FBXW11: variants seen among roughly 807,000 people sequenced by gnomAD.
FBXW11 encodes the protein F-box and WD repeat domain containing 11, also known as F-box/WD repeat-containing protein 11.
FBXW11 carries 19 observed loss-of-function variants against 77.6 expected under a neutral mutation model. The observed-to-expected ratio is 0.24, with a 90% CI of 0.17 to 0.36. The LOEUF (loss-of-function observed/expected upper bound fraction) is 0.36, where lower values mean the gene tolerates loss of function less well. Ranked by LOEUF, FBXW11 falls within the 10% of genes least tolerant of loss-of-function variation. The pLI is 1.00. For missense variants in FBXW11, 334 were observed against 704.2 expected (o/e 0.47, Z 5.95); for synonymous variants, 235 against 249.4 (o/e 0.94, Z 0.54).
chr5:171,902,785 A>G (rs1760216129), intron 4 of FBXW11, among the ~76,000 whole-genome samples: 1 of 152,364 alleles, frequency 6.6e-6, no homozygotes, highest in South Asian at 2.1e-4. Flanking sequence ...CTATCCAGGC[A>G]TACAATGTAT....
chr5:171,923,700 T>C (rs1363849617), intron 2 of FBXW11, among the ~76,000 whole-genome samples: 1 of 149,070 alleles, frequency 6.7e-6, no homozygotes, highest in Non-Finnish European at 1.5e-5. Context: ...GCACATATTA[T>C]ATCCTCTACT....
At chr5:171,885,172 A>C (rs1334622662) in intron 7 of FBXW11, among the ~76,000 whole-genome samples, 1 of 152,198 alleles carries the variant, frequency 6.6e-6, no homozygotes, top group Non-Finnish European at 1.5e-5. Context: ...CTGAAGGTAG[A>C]CCTTATCAAG....
At chr5:171,916,479 T>G (rs1324330110) in intron 2 of FBXW11, 3 of 985,218 alleles carry the variant, frequency 3.0e-6, no homozygotes, top group African/African-American at 1.7e-5. Context: ...GAAGGCAGTG[T>G]GTCCAAGAGT....
intron 1 of FBXW11, among the ~76,000 whole-genome samples, chr5:171,971,737 C>T (rs1032031600): frequency 5.3e-5 from 8 of 152,132 alleles, no homozygotes; most frequent in African/African-American, 9.7e-5. Flanking sequence ...AATCCCAACA[C>T]TTTGGCAGGC....
chr5:171,884,287 G>A (rs761377709), intron 7 of FBXW11, among the ~76,000 whole-genome samples: 13 of 152,156 alleles, frequency 8.5e-5, no homozygotes, highest in Non-Finnish European at 1.8e-4. Flanking sequence ...ACTAGTTGTT[G>A]AAAAGGGTGT....
intron 9 of FBXW11, among the ~76,000 whole-genome samples, chr5:171,873,490 A>G (rs1453576472): frequency 1.3e-5 from 2 of 152,164 alleles, no homozygotes; most frequent in Non-Finnish European, 2.9e-5. Flanking sequence ...ACAAAAAATA[A>G]AATTAGCTGG....
chr5:171,881,115 TAGG>T (rs1172524242), intron 7 of FBXW11, among the ~76,000 whole-genome samples: 1 of 152,210 alleles, frequency 6.6e-6, no homozygotes, highest in East Asian at 1.9e-4. Flanking sequence ...TTATTAGTTC[TAGG>T]AGGTTTTTTT....
intron 2 of FBXW11, among the ~76,000 whole-genome samples, chr5:171,928,366 C>T (rs1047146647): frequency 6.6e-6 from 1 of 152,186 alleles, no homozygotes; most frequent in Non-Finnish European, 1.5e-5. Context: ...AAAAACCCAA[C>T]GATGTTTTTT....
chr5:171,956,197 C>T (rs1327731337), intron 2 of FBXW11, among the ~76,000 whole-genome samples: 4 of 152,176 alleles, frequency 2.6e-5, no homozygotes, highest in South Asian at 2.1e-4. Flanking sequence ...ACCTATTATA[C>T]ACCTATTATA....
intron 7 of FBXW11, among the ~76,000 whole-genome samples, chr5:171,885,426 T>C (rs1269968062): frequency 6.6e-6 from 1 of 152,212 alleles, no homozygotes; most frequent in Non-Finnish European, 1.5e-5. Flanking sequence ...ACCCAGGCAC[T>C]GGTTCTCCCG....
At chr5:171,963,456 G>A (rs1208241032) in intron 1 of FBXW11, among the ~76,000 whole-genome samples, 1 of 152,140 alleles carries the variant, frequency 6.6e-6, no homozygotes, top group African/African-American at 2.4e-5. Context: ...AGACAGGGAG[G>A]GACCAGAGGT....
chr5:171,914,616 A>C (rs1186465530), intron 2 of FBXW11, among the ~76,000 whole-genome samples: 1 of 152,226 alleles, frequency 6.6e-6, no homozygotes, highest in Non-Finnish European at 1.5e-5. Context: ...AAAAGCAAGC[A>C]TAAAGTCATT....
At chr5:171,907,000 C>T (rs1760570050) in intron 4 of FBXW11, among the ~76,000 whole-genome samples, 1 of 152,164 alleles carries the variant, frequency 6.6e-6, no homozygotes, top group Non-Finnish European at 1.5e-5. Flanking sequence ...CTCAACAAAC[C>T]GATCACCAAT....
At chr5:171,916,350 A>T in intron 2 of FBXW11, 1 of 723,270 alleles carries the variant, frequency 1.4e-6, no homozygotes, top group Non-Finnish European at 1.7e-6. Flanking sequence ...ATGGCCGCCT[A>T]TGGGGAAAAC....
chr5:171,880,659 T>C (rs977176025), intron 7 of FBXW11, among the ~76,000 whole-genome samples: 5 of 152,250 alleles, frequency 3.3e-5, no homozygotes, highest in Non-Finnish European at 5.9e-5. Flanking sequence ...GTTAGATTTA[T>C]ACCTAAGTAT....
chr5:171,982,403 A>G (rs1234381238), intron 1 of FBXW11, among the ~76,000 whole-genome samples: 1 of 151,946 alleles, frequency 6.6e-6, no homozygotes, highest in Non-Finnish European at 1.5e-5. Flanking sequence ...CCTTCCACCA[A>G]GTAGCTGGGA....
In FBXW11 at chr5:171,863,167, A is replaced by G. The variant is rs1229095657; in HGVS notation, c.*960T>C. On this transcript the variant is annotated 3_prime_UTR_variant, in exon 14 of 14. Transcript: ENST00000517395. ...AACACACACAAACCACACACACGCA[A>G]TGACAACAACAAAATAAAAACACTG... The G allele has an allele frequency of 2.6e-5, 4 of 152,634 alleles. No individual in the cohort carries two copies. Among genetic ancestry groups the G allele is most frequent in the Admixed American group, 6.5e-5 (1 of 15,278 alleles). The allele number at this position is 152,634 out of a possible 1,614,324, so 9.5% of individuals were successfully genotyped here.
chr5:171,909,714 C>T (rs541425415), intron 4 of FBXW11, among the ~76,000 whole-genome samples: 5 of 152,034 alleles, frequency 3.3e-5, no homozygotes, highest in East Asian at 1.9e-4. Context: ...TGTGCACGTG[C>T]GCGCGTGCAT....
intron 6 of FBXW11, among the ~76,000 whole-genome samples, chr5:171,893,819 G>A (rs1759554194): frequency 6.6e-6 from 1 of 152,140 alleles, no homozygotes; most frequent in African/African-American, 2.4e-5. Flanking sequence ...TATATGTCAA[G>A]TGTTATCAAG....
Sources: gnomAD v4.1 joint callset for allele counts (sites outside exome capture counted in the v4.1 genomes callset) on GRCh38, gnomAD v4.1.1 for gene constraint, MANE v1.5 for transcripts, NCBI Gene and HGNC (gene_info 2026-07-23, HGNC 2026-07-21) for gene names.